Variants in BLOC1S5 observed in about 807,000 individuals in gnomAD.
BLOC1S5 encodes the protein biogenesis of lysosomal organelles complex 1 subunit 5, also known as biogenesis of lysosome-related organelles complex 1 subunit 5.
A neutral mutation model predicts 24.3 loss-of-function variants in BLOC1S5; 27 were observed. The observed-to-expected ratio is 1.11, with a 90% CI of 0.82 to 1.53. The LOEUF (loss-of-function observed/expected upper bound fraction) is 1.53. BLOC1S5 is among the 40% of genes most tolerant of loss of function. BLOC1S5 has a pLI of 0.00. For synonymous variants in BLOC1S5, 84 were observed against 74.5 expected (o/e 1.13, Z -0.66); for missense variants, 239 against 229.4 (o/e 1.04, Z -0.27).
In BLOC1S5 at chr6:8,026,263, A is replaced by G. The variant is rs1026902549; in HGVS notation, c.384+104T>C. On this transcript the variant is annotated intron_variant, in intron 4 of 4. Coordinates refer to ENST00000397457, the MANE Select transcript of BLOC1S5 (RefSeq NM_201280.3). The stretch of plus-strand genomic sequence containing the variant: ...ATGAATCAGCCATTTTAAAATATGT[A>G]AAACTCACTGCATTCAGAGAATTTT... 4.5e-6 allele frequency: 4 copies of G among 888,710 alleles called. No individual in the cohort carries two copies. The African/African-American group carries it at 5.0e-5, about 11-fold the overall frequency. The allele number at this position is 888,710 out of a possible 1,614,324, so 55.1% of individuals were successfully genotyped here.
chr6:8,015,531 G>T lies in BLOC1S5; in HGVS notation c.*118C>A. 1 of 994,508 alleles carries T rather than the reference G, an allele frequency of 1.0e-6. No individual in the cohort carries two copies. The highest frequency in any genetic ancestry group is 1.5e-6 in the Non-Finnish European group (1 of 689,364). The allele number at this position is 994,508 out of a possible 1,614,324, so 61.6% of individuals were successfully genotyped here. On this transcript the variant is annotated 3_prime_UTR_variant, in exon 5 of 5. Coordinates refer to ENST00000397457, the MANE Select transcript of BLOC1S5 (RefSeq NM_201280.3). ...TAGAAACTTCTTTCTTCTGATATAA[G>T]AGTGCCACTGAATATATTGCTAAGC...
intron 4 of BLOC1S5, among the ~76,000 whole-genome samples, chr6:8,023,616 T>A (rs1263333761): frequency 6.6e-6 from 1 of 151,332 alleles, no homozygotes; most frequent in Non-Finnish European, 1.5e-5. Flanking sequence ...TAATGAGTAA[T>A]GGCAATAGTC....
At chr6:8,029,967 C>T (rs1044943229) in intron 3 of BLOC1S5, among the ~76,000 whole-genome samples, 1 of 152,262 alleles carries the variant, frequency 6.6e-6, no homozygotes, top group East Asian at 1.9e-4. Flanking sequence ...TGTACATCCA[C>T]AAGAAACAAC....
chr6:8,030,658 C>T (rs138618763), intron 3 of BLOC1S5, among the ~76,000 whole-genome samples: 5,784 of 150,520 alleles, frequency 0.038, 352 homozygotes, highest in African/African-American at 0.13. Context: ...GATCACTTGA[C>T]GTCAGGAGTT....
intron 1 of BLOC1S5, among the ~76,000 whole-genome samples, 178 bp from the exon 2 acceptor site, chr6:8,062,794 G>A (rs1027904494): frequency 6.6e-6 from 1 of 152,180 alleles, no homozygotes; most frequent in African/African-American, 2.4e-5. Context: ...CTACTTTTGA[G>A]AACAATCTTT....
At chr6:8,029,386 C>T (rs992007647) in intron 3 of BLOC1S5, among the ~76,000 whole-genome samples, 6 of 152,270 alleles carry the variant, frequency 3.9e-5, no homozygotes, top group Middle Eastern at 3.4e-3. Context: ...GGGAAATCTC[C>T]CTGACTCATG....
At chr6:8,062,943 G>A (rs949058364) in intron 1 of BLOC1S5, among the ~76,000 whole-genome samples, 3 of 151,916 alleles carry the variant, frequency 2.0e-5, no homozygotes, top group African/African-American at 7.2e-5. Flanking sequence ...AAGAAAAAAC[G>A]CAAAACACCT....
chr6:8,049,286 G>A (rs950016925), intron 2 of BLOC1S5, among the ~76,000 whole-genome samples: 20 of 151,894 alleles, frequency 1.3e-4, no homozygotes, highest in African/African-American at 3.9e-4. Context: ...CAGGAGAATC[G>A]CTTGAACTTG....
intron 3 of BLOC1S5, among the ~76,000 whole-genome samples, chr6:8,027,726 C>T (rs543134768): frequency 2.2e-4 from 33 of 151,024 alleles, no homozygotes; most frequent in Non-Finnish European, 4.1e-4. Context: ...CCCAGCTACT[C>T]GGGAGGCTGA....
At chr6:8,024,360 T>TA (rs1221207852) in intron 4 of BLOC1S5, among the ~76,000 whole-genome samples, 2 of 151,468 alleles carry the variant, frequency 1.3e-5, no homozygotes, top group East Asian at 3.9e-4. Flanking sequence ...TCCCTGTCTC[T>TA]ACTAAAAATA....
At chr6:8,029,860 A>G (rs1244628963) in intron 3 of BLOC1S5, among the ~76,000 whole-genome samples, 1 of 152,238 alleles carries the variant, frequency 6.6e-6, no homozygotes, top group African/African-American at 2.4e-5. Flanking sequence ...CTGCAGGTAA[A>G]ATACAAAGAC....
At chr6:8,026,042 C>G (rs966225626) in intron 4 of BLOC1S5, among the ~76,000 whole-genome samples, 6 of 152,178 alleles carry the variant, frequency 3.9e-5, no homozygotes, top group African/African-American at 1.4e-4. Flanking sequence ...ATACTTCAGG[C>G]TCAGAGGAAA....
chr6:8,018,708 G>A (rs115364442), intron 4 of BLOC1S5, among the ~76,000 whole-genome samples: 2 of 152,206 alleles, frequency 1.3e-5, no homozygotes, highest in Admixed American at 1.3e-4. Context: ...GGTAGAACAT[G>A]TCAAGTTCCT....
chr6:8,036,467 A>C (rs1340050768), intron 3 of BLOC1S5, among the ~76,000 whole-genome samples: 6 of 152,194 alleles, frequency 3.9e-5, no homozygotes, highest in African/African-American at 1.4e-4. Context: ...ACCAAGTACA[A>C]ACCATGAGGG....
intron 2 of BLOC1S5, 32 bp from the exon 3 acceptor site, chr6:8,041,300 T>C (rs777039988): frequency 2.6e-6 from 4 of 1,518,352 alleles, no homozygotes; most frequent in Non-Finnish European, 3.5e-6. Context: ...CTAATAAATA[T>C]GGTGTCTTTT....
intron 3 of BLOC1S5, among the ~76,000 whole-genome samples, chr6:8,029,015 G>T (rs1763199005): frequency 6.6e-6 from 1 of 151,800 alleles, no homozygotes; most frequent in African/African-American, 2.4e-5. Context: ...TTAACCAAAA[G>T]ATTATTCAAG....
At chr6:8,049,137 G>C (rs551870353) in intron 2 of BLOC1S5, among the ~76,000 whole-genome samples, 5 of 151,598 alleles carry the variant, frequency 3.3e-5, no homozygotes, top group Admixed American at 2.0e-4. Context: ...TTGGGAGGCC[G>C]AGATGGGCAG....
chr6:8,023,361 T>C (rs1762991617), intron 4 of BLOC1S5, among the ~76,000 whole-genome samples: 1 of 152,160 alleles, frequency 6.6e-6, no homozygotes, highest in African/African-American at 2.4e-5. Flanking sequence ...CCACAAATTG[T>C]CTTGACATAA....
intron 2 of BLOC1S5, among the ~76,000 whole-genome samples, chr6:8,061,196 T>G (rs1331979394): frequency 2.0e-5 from 3 of 152,126 alleles, no homozygotes; most frequent in Non-Finnish European, 4.4e-5. Flanking sequence ...TCTGGATAAT[T>G]TTCTGTGTCT....
Sources: gnomAD v4.1 joint callset for allele counts (sites outside exome capture counted in the v4.1 genomes callset) on GRCh38, gnomAD v4.1.1 for gene constraint, MANE v1.5 for transcripts, NCBI Gene and HGNC (gene_info 2026-07-23, HGNC 2026-07-21) for gene names.